The following KLHDC4 variants were observed in gnomAD, a reference collection of about 807,000 sequenced individuals.
The protein encoded by KLHDC4 is kelch domain containing 4.
A neutral mutation model predicts 62.4 loss-of-function variants in KLHDC4; 90 were observed. The ratio of observed to expected loss-of-function variants is 1.44; its 90% CI spans 1.22 to 1.72. The LOEUF (loss-of-function observed/expected upper bound fraction) is 1.72. Ranked by LOEUF, KLHDC4 falls within the 40% of genes most tolerant of loss-of-function variation. KLHDC4 has a pLI of 0.00. For missense variants in KLHDC4, 1,025 were observed against 699.7 expected, an observed-to-expected ratio of 1.47 and a Z score of -5.25; for synonymous variants, 386 against 284.4, an observed-to-expected ratio of 1.36 and a Z score of -3.59.
intron 7 of KLHDC4, among the ~76,000 whole-genome samples, chr16:87,721,908 A>T (rs1424520296): frequency 6.6e-6 from 1 of 151,750 alleles, no homozygotes; most frequent in Non-Finnish European, 1.5e-5. Context: ...GTGTCCATGG[A>T]AACAGACCAC....
At chr16:87,719,586 T>TCTG (rs765668307) in intron 7 of KLHDC4, among the ~76,000 whole-genome samples, 2 of 151,978 alleles carry the variant, frequency 1.3e-5, no homozygotes, top group Non-Finnish European at 2.9e-5. Context: ...CACATGTTTA[T>TCTG]CTGCTGACCT....
At chr16:87,702,312 C>T (rs1468688740) in exon 1 of KLHDC4, 1 of 456,198 alleles carries the variant, frequency 2.2e-6, no homozygotes, top group South Asian at 1.5e-5. Flanking sequence ...CCGGGGGCTC[C>T]CAGGCCCTGG....
At chr16:87,712,324 T>C (rs1005135343) in intron 8 of KLHDC4, among the ~76,000 whole-genome samples, 12 of 151,142 alleles carry the variant, frequency 7.9e-5, no homozygotes, top group Non-Finnish European at 4.4e-5. Context: ...TGTGTGGTGC[T>C]AGACGTCACC....
At chr16:87,721,021 A>G (rs928847385) in intron 7 of KLHDC4, among the ~76,000 whole-genome samples, 11 of 152,074 alleles carry the variant, frequency 7.2e-5, no homozygotes, top group South Asian at 2.1e-4. Context: ...TCCCATCCAC[A>G]TCCGAGACCA....
At position 87,709,378 on chromosome 16, in the gene KLHDC4, T is replaced by C. The variant is rs1358461393; in HGVS notation, c.1334A>G (p.Tyr445Cys). 2 of 1,613,376 alleles carry C rather than the reference T, an allele frequency of 1.2e-6. No individual in the cohort carries two copies. Among genetic ancestry groups the C allele is most frequent in the Non-Finnish European group, 1.7e-6 (2 of 1,179,882 alleles). The change falls in exon 10 of 12, where the codon TAC becomes TGC. Residue 445 changes from tyrosine to cysteine, a missense_variant. Transcript: ENST00000270583. ...AMLAVKHGVL[Y>C]VYGGMFEAGD... ...GGCCTCAAACATGCCCCCATAGACGTAGAGCACCCCATGCTTCACAGCCAG... is the reference window on the plus strand; with the variant it reads ...GGCCTCAAACATGCCCCCATAGACGCAGAGCACCCCATGCTTCACAGCCAG...
At chr16:87,762,721 G>A (rs1338268324) in intron 1 of KLHDC4, among the ~76,000 whole-genome samples, 1 of 152,152 alleles carries the variant, frequency 6.6e-6, no homozygotes, top group Non-Finnish European at 1.5e-5. Context: ...TCAAGGTACT[G>A]ATGTGCCAGC....
chr16:87,730,519 GGA>G, intron 6 of KLHDC4, 31 bp downstream of exon 6: 11 of 1,554,034 alleles, frequency 7.1e-6, no homozygotes, highest in Non-Finnish European at 9.7e-6. Flanking sequence ...TAATGCTTCA[GGA>G]GAGAAAGATT....
intron 7 of KLHDC4, among the ~76,000 whole-genome samples, chr16:87,717,507 G>T (rs986618421): frequency 6.6e-6 from 1 of 152,206 alleles, no homozygotes; most frequent in Non-Finnish European, 1.5e-5. Flanking sequence ...TATGGAGAGT[G>T]ACCTGAATCT....
intron 5 of KLHDC4, among the ~76,000 whole-genome samples, chr16:87,736,274 AAC>A (rs1316047167): frequency 6.6e-6 from 1 of 152,224 alleles, no homozygotes; most frequent in African/African-American, 2.4e-5. Context: ...TAGATGTCTC[AAC>A]ACACAGAAGG....
intron 7 of KLHDC4, among the ~76,000 whole-genome samples, chr16:87,723,312 C>A (rs1245472942): frequency 6.6e-6 from 1 of 152,260 alleles, no homozygotes; most frequent in Non-Finnish European, 1.5e-5. Flanking sequence ...GCCACAGGCT[C>A]AGAGCCAAGA....
At chr16:87,722,087 G>T (rs1446761357) in intron 7 of KLHDC4, among the ~76,000 whole-genome samples, 1 of 152,198 alleles carries the variant, frequency 6.6e-6, no homozygotes, top group African/African-American at 2.4e-5. Flanking sequence ...ACACGTGAAT[G>T]TTGCTGGGTC....
At chr16:87,751,104 A>G (rs559620489) in intron 4 of KLHDC4, among the ~76,000 whole-genome samples, 1 of 152,378 alleles carries the variant, frequency 6.6e-6, no homozygotes, top group South Asian at 2.1e-4. Context: ...ATAATCCTAC[A>G]ATAATACATC....
chr16:87,716,573 C>T (rs2037033660), intron 7 of KLHDC4, among the ~76,000 whole-genome samples: 1 of 152,120 alleles, frequency 6.6e-6, no homozygotes, highest in South Asian at 2.1e-4. Context: ...CCCTGCTCGG[C>T]CCTACGATTC....
At chr16:87,763,120 T>C (rs1411136425) in intron 1 of KLHDC4, among the ~76,000 whole-genome samples, 2 of 152,204 alleles carry the variant, frequency 1.3e-5, no homozygotes, top group African/African-American at 4.8e-5. Flanking sequence ...AACAGAACTT[T>C]ATCCAAGACA....
At chr16:87,703,103 C>T (rs1567630466), downstream of KLHDC4, 1 of 152,260 alleles carries the variant, frequency 6.6e-6, no homozygotes. Flanking sequence ...ACTGAAGGTC[C>T]TTCCGCTGCA....
chr16:87,750,772 G>T (rs937262086), intron 4 of KLHDC4: 6 of 152,270 alleles, frequency 3.9e-5, no homozygotes, highest in Non-Finnish European at 5.9e-5. Context: ...GGGCCAGACA[G>T]CGGGCGCAGG....
At chr16:87,744,807 C>T (rs1053685397) in intron 5 of KLHDC4, among the ~76,000 whole-genome samples, 1 of 152,186 alleles carries the variant, frequency 6.6e-6, no homozygotes, top group Non-Finnish European at 1.5e-5. Context: ...CTCCTGTGCA[C>T]GTACAGTGTG....
At chr16:87,734,939 G>GC (rs1201065779) in intron 5 of KLHDC4, among the ~76,000 whole-genome samples, 1 of 135,808 alleles carries the variant, frequency 7.4e-6, no homozygotes, top group Non-Finnish European at 1.6e-5. Context: ...ATTTCCCGAT[G>GC]CCCCCTCCCA....
At chr16:87,730,761 C>G in intron 5 of KLHDC4, 117 bp from the exon 6 acceptor site, 2 of 821,238 alleles carry the variant, frequency 2.4e-6, no homozygotes, top group Non-Finnish European at 4.0e-6. Flanking sequence ...TGAGCACTTA[C>G]TGCTCACAAA....
Sources: gnomAD v4.1 joint callset for allele counts (sites outside exome capture counted in the v4.1 genomes callset) on GRCh38, gnomAD v4.1.1 for gene constraint, MANE v1.5 for transcripts, NCBI Gene and HGNC (gene_info 2026-07-23, HGNC 2026-07-21) for gene names.